CAMTA1: variants seen among roughly 807,000 people sequenced by gnomAD.
CAMTA1 encodes the protein calmodulin-binding transcription activator 1.
In CAMTA1, 27 loss-of-function variants were observed where a neutral mutation model predicts 170.9. The ratio of observed to expected loss-of-function variants is 0.16; its 90% CI spans 0.12 to 0.22. The LOEUF is 0.22. CAMTA1 is among the 10% of genes least tolerant of loss of function. The pLI is 1.00. For synonymous variants in CAMTA1, 833 were observed against 891.5 expected (o/e 0.93, Z 1.17); for missense variants, 1,619 against 2,217.2 (o/e 0.73, Z 5.42).
At chr1:7,429,091 A>T (rs2092022362) in intron 5 of CAMTA1, among the ~76,000 whole-genome samples, 1 of 151,922 alleles carries the variant, frequency 6.6e-6, no homozygotes. Context: ...TCCATTTGAG[A>T]GTGTTGTCAG....
chr1:7,379,694 T>TGGCCGTCTGAACTGGCAGGCAGC (rs1478122166), intron 5 of CAMTA1, among the ~76,000 whole-genome samples: 3 of 152,230 alleles, frequency 2.0e-5, no homozygotes, highest in Admixed American at 2.0e-4. Flanking sequence ...GCAAGGGCAG[T>TGGCCGTCTGAACTGGCAGGCAGC]GGCCGTCTGA....
chr1:7,633,484 C>T lies in CAMTA1; in HGVS notation c.511-6916C>T, dbSNP rs188898477. On this transcript the variant is annotated intron_variant, in intron 6 of 22. Transcript: ENST00000303635. The surrounding 1 kb of genome is among the most constrained non-coding windows in gnomAD (Gnocchi z 4.1). ...TCCAGCCCATGCCTGGGATGGACAC[C>T]GACTCCTTCCCCGCACCCTAGTCTC... Among the ~76,000 whole-genome samples the T allele has an allele frequency of 9.2e-5, 14 of 152,250 alleles. No individual in the cohort carries two copies. The highest frequency in any genetic ancestry group is 1.9e-4 in the East Asian group (1 of 5,176).
At chr1:7,018,116 A>C (rs1700820028) in intron 3 of CAMTA1, among the ~76,000 whole-genome samples, 1 of 95,628 alleles carries the variant, frequency 1.0e-5, no homozygotes, top group African/African-American at 4.1e-5. Flanking sequence ...GGTGTGCGGC[A>C]CCACGCCTGG....
chr1:7,757,532 C>T (rs992934843), intron 22 of CAMTA1, among the ~76,000 whole-genome samples: 1 of 152,058 alleles, frequency 6.6e-6, no homozygotes, highest in Non-Finnish European at 1.5e-5. Context: ...TTTGGGAGGC[C>T]GAGGCAGCCG....
intron 5 of CAMTA1, among the ~76,000 whole-genome samples, chr1:7,422,294 A>G (rs1418697501): frequency 6.6e-6 from 1 of 152,040 alleles, no homozygotes; most frequent in Non-Finnish European, 1.5e-5. Context: ...AGAGGCTCAG[A>G]GGAAAGGCCG....
chr1:7,282,758 G>A (rs1671701162), intron 5 of CAMTA1, among the ~76,000 whole-genome samples: 2 of 152,146 alleles, frequency 1.3e-5, no homozygotes. Context: ...CAGTGGGATA[G>A]AGGTGACTGT....
intron 5 of CAMTA1, among the ~76,000 whole-genome samples, chr1:7,403,015 C>T (rs2090020714): frequency 6.6e-6 from 1 of 152,156 alleles, no homozygotes; most frequent in South Asian, 2.1e-4. Context: ...GCCTTATGTG[C>T]CAGGCACTGT....
chr1:6,998,109 G>A (rs1697608274), intron 3 of CAMTA1, among the ~76,000 whole-genome samples: 1 of 149,418 alleles, frequency 6.7e-6, no homozygotes, highest in African/African-American at 2.5e-5. Flanking sequence ...ATGGAGTCTC[G>A]CTCTGTCACC....
chr1:7,266,068 A>G (rs1311118990), intron 5 of CAMTA1, among the ~76,000 whole-genome samples: 1 of 152,244 alleles, frequency 6.6e-6, no homozygotes, highest in Non-Finnish European at 1.5e-5. Context: ...TGGATGGAGG[A>G]GCCCAGCTCC....
In CAMTA1 at chr1:7,633,923, G is replaced by A. The variant is rs1014195078; in HGVS notation, c.511-6477G>A. On this transcript the variant is annotated intron_variant, in intron 6 of 22. Coordinates refer to ENST00000303635, the MANE Select transcript of CAMTA1 (RefSeq NM_015215.4). The surrounding 1 kb of genome is among the most constrained non-coding windows in gnomAD (Gnocchi z 4.1). ...AAGAAAGTGACCTGGGACCAATGTG[G>A]CATGGAGCGTGGCAGCCAGAGACCA... is the stretch of plus-strand genomic sequence containing the variant. Among the ~76,000 whole-genome samples, 2 of 152,232 alleles carry A rather than the reference G, an allele frequency of 1.3e-5. No homozygotes were observed. Among genetic ancestry groups the A allele is most frequent in the Non-Finnish European group, 2.9e-5 (2 of 68,048 alleles).
In CAMTA1 at chr1:7,492,282, C is replaced by T. The variant is rs575412825; in HGVS notation, c.510+24381C>T. 5.3e-5 allele frequency among the ~76,000 whole-genome samples: 8 copies of T among 152,306 alleles called. No individual in the cohort carries two copies. In the East Asian group the frequency reaches 1.4e-3, roughly 26 times the overall value. ...CTCAGTGAAGAGGATAAAAGGAAGGCACTACGGGGGCCCAGGACCTGCTCT... is the reference window on the plus strand; with the variant it reads ...CTCAGTGAAGAGGATAAAAGGAAGGTACTACGGGGGCCCAGGACCTGCTCT... On this transcript the variant is annotated intron_variant, in intron 6 of 22. Coordinates refer to ENST00000303635, the MANE Select transcript of CAMTA1 (RefSeq NM_015215.4).
intron 3 of CAMTA1, among the ~76,000 whole-genome samples, chr1:6,957,451 G>C (rs952192035): frequency 6.6e-6 from 1 of 152,116 alleles, no homozygotes; most frequent in Admixed American, 6.5e-5. Context: ...GTGTTGGCAG[G>C]GCTGTGTTCT....
In CAMTA1 at chr1:7,510,590, C is replaced by T. The variant is rs2094190431; in HGVS notation, c.510+42689C>T. 6.1e-5 allele frequency among the ~76,000 whole-genome samples: 9 copies of T among 146,648 alleles called. 2 individuals are homozygous for T. ...ACTGGAGAAGGAAGAGGATTTCACACAGAGGTTCCAGAGTCCATCAACAAT... is the reference window on the plus strand; with the variant it reads ...ACTGGAGAAGGAAGAGGATTTCACATAGAGGTTCCAGAGTCCATCAACAAT... On this transcript the variant is annotated intron_variant, in intron 6 of 22. Coordinates refer to ENST00000303635, the MANE Select transcript of CAMTA1 (RefSeq NM_015215.4).
At chr1:7,012,597 C>T (rs1352562613) in intron 3 of CAMTA1, among the ~76,000 whole-genome samples, 1 of 152,186 alleles carries the variant, frequency 6.6e-6, no homozygotes, top group African/African-American at 2.4e-5. Context: ...GTGCTGTGGG[C>T]GCTTCTCAGT....
chr1:7,151,226 T>G (rs1014746584), intron 4 of CAMTA1, among the ~76,000 whole-genome samples: 1 of 152,242 alleles, frequency 6.6e-6, no homozygotes, highest in Non-Finnish European at 1.5e-5. Context: ...TACACTGTGC[T>G]TTGATGTGGC....
intron 3 of CAMTA1, among the ~76,000 whole-genome samples, chr1:7,036,702 C>T (rs558610910): frequency 6.6e-6 from 1 of 152,214 alleles, no homozygotes; most frequent in Non-Finnish European, 1.5e-5. Flanking sequence ...TCTCTTTCAG[C>T]TCTTCTTCCA....
intron 1 of CAMTA1, among the ~76,000 whole-genome samples, chr1:6,797,313 G>A (rs1428851050): frequency 6.6e-6 from 1 of 151,242 alleles, no homozygotes; most frequent in Non-Finnish European, 1.5e-5. Flanking sequence ...CTCCTGCATC[G>A]GCCTCCCAAA....
At chr1:7,252,619 C>T (rs377481556) in intron 5 of CAMTA1, among the ~76,000 whole-genome samples, 126 of 152,248 alleles carry the variant, frequency 8.3e-4, no homozygotes, top group African/African-American at 2.8e-3. Context: ...ACTCTGCGTC[C>T]GTCTTTGGTG....
chr1:7,444,957 T>C (rs1287102934), intron 5 of CAMTA1, among the ~76,000 whole-genome samples: 1 of 151,782 alleles, frequency 6.6e-6, no homozygotes, highest in Non-Finnish European at 1.5e-5. Flanking sequence ...TTTGCCCGCC[T>C]AGCTGGGGAA....
Sources: gnomAD v4.1 joint callset for allele counts (sites outside exome capture counted in the v4.1 genomes callset) on GRCh38, gnomAD v4.1.1 for gene constraint, Gnocchi (gnomAD v3.1) non-coding constraint, MANE v1.5 for transcripts, NCBI Gene and HGNC (gene_info 2026-07-23, HGNC 2026-07-21) for gene names.